Variants in NEDD9 observed in about 807,000 individuals in gnomAD.
NEDD9 encodes neural precursor cell expressed, developmentally down-regulated 9.
In NEDD9, 26 loss-of-function variants were observed where a neutral mutation model predicts 76.6. The observed-to-expected ratio is 0.34, with a 90% CI of 0.25 to 0.47. The LOEUF (loss-of-function observed/expected upper bound fraction) is 0.47, where lower values mean the gene tolerates loss of function less well. Among genes scored for constraint, NEDD9 ranks in the 20% least tolerant of loss-of-function variants. The pLI, the probability that NEDD9 is intolerant of heterozygous loss-of-function variation, is 1.00. For missense variants in NEDD9, 937 were observed against 1,058.5 expected (o/e 0.89, Z 1.59); for synonymous variants, 392 against 414.2 (o/e 0.95, Z 0.65).
At chr6:11,227,266 G>A (rs369433869) in intron 1 of NEDD9, among the ~76,000 whole-genome samples, 10 of 152,286 alleles carry the variant, frequency 6.6e-5, no homozygotes, top group African/African-American at 2.4e-4. Flanking sequence ...CTGTCACCAA[G>A]TCTTGAGTAC....
At chr6:11,352,891 AG>A (rs1762493911) in intron 1 of NEDD9, 1 of 152,272 alleles carries the variant, frequency 6.6e-6, no homozygotes. Context: ...GTATTAAAAA[AG>A]AATAATAGCA....
At chr6:11,291,664 C>G (rs900597879) in intron 3 of NEDD9, among the ~76,000 whole-genome samples, 2 of 152,118 alleles carry the variant, frequency 1.3e-5, no homozygotes, top group African/African-American at 4.8e-5. Flanking sequence ...TCTAAATGAG[C>G]CAGTGAAAAC....
chr6:11,358,163 C>T (rs559243967), intron 1 of NEDD9, among the ~76,000 whole-genome samples: 2 of 144,950 alleles, frequency 1.4e-5, no homozygotes, highest in African/African-American at 5.1e-5. Flanking sequence ...GCAGGGGAAT[C>T]GCTTGAATCC....
At chr6:11,256,009 C>T (rs983653603) in intron 3 of NEDD9, among the ~76,000 whole-genome samples, 2 of 152,190 alleles carry the variant, frequency 1.3e-5, no homozygotes, top group African/African-American at 4.8e-5. Flanking sequence ...AGGCCCCCAT[C>T]AGCATGCCCA....
intron 2 of NEDD9, among the ~76,000 whole-genome samples, chr6:11,327,582 C>T (rs1761953414): frequency 6.6e-6 from 1 of 152,200 alleles, no homozygotes; most frequent in Non-Finnish European, 1.5e-5. Flanking sequence ...GGTTTATATC[C>T]AGTTCTAGTC....
chr6:11,266,832 C>G (rs893847967), intron 3 of NEDD9, among the ~76,000 whole-genome samples: 4 of 152,164 alleles, frequency 2.6e-5, no homozygotes, highest in East Asian at 1.9e-4. Flanking sequence ...TCTGGAAAAC[C>G]AGCCAATGGT....
intron 3 of NEDD9, among the ~76,000 whole-genome samples, chr6:11,260,737 G>T (rs567130935): frequency 3.0e-4 from 45 of 152,272 alleles, no homozygotes; most frequent in African/African-American, 1.1e-3. Flanking sequence ...TATTGAAGAG[G>T]AAGATGATAT....
chr6:11,368,263 T>C (rs1762803209), intron 1 of NEDD9, among the ~76,000 whole-genome samples: 1 of 152,260 alleles, frequency 6.6e-6, no homozygotes, highest in Admixed American at 6.5e-5. Flanking sequence ...ATTTGCTTAA[T>C]TTACAGATAA....
chr6:11,322,537 A>C (rs751593172), intron 2 of NEDD9, among the ~76,000 whole-genome samples: 1 of 152,152 alleles, frequency 6.6e-6, no homozygotes, highest in Non-Finnish European at 1.5e-5. Context: ...TGCAAGGATG[A>C]GAGAGGAAGG....
At chr6:11,296,729 T>G (rs1760904764) in intron 3 of NEDD9, among the ~76,000 whole-genome samples, 1 of 135,322 alleles carries the variant, frequency 7.4e-6, no homozygotes, top group Non-Finnish European at 1.6e-5. Flanking sequence ...TCCTTTCTTT[T>G]CTTTCTTTCT....
chr6:11,325,200 C>T (rs1377218525), intron 2 of NEDD9, among the ~76,000 whole-genome samples: 1 of 151,898 alleles, frequency 6.6e-6, no homozygotes, highest in African/African-American at 2.4e-5. Context: ...ACTAAAAATA[C>T]AAAAATTAGC....
At chr6:11,221,235 T>G (rs1759135078) in intron 1 of NEDD9, among the ~76,000 whole-genome samples, 1 of 151,680 alleles carries the variant, frequency 6.6e-6, no homozygotes, top group African/African-American at 2.4e-5. Flanking sequence ...TACAAAAAAT[T>G]AGCCAGGCAT....
intron 2 of NEDD9, among the ~76,000 whole-genome samples, chr6:11,210,284 C>A (rs1168182299): frequency 6.6e-6 from 1 of 152,188 alleles, no homozygotes; most frequent in African/African-American, 2.4e-5. Context: ...ACTGCCCTAC[C>A]TCTCTGGGTG....
chr6:11,310,157 C>A (rs192682136), intron 2 of NEDD9, among the ~76,000 whole-genome samples: 46 of 152,260 alleles, frequency 3.0e-4, no homozygotes, highest in Admixed American at 1.4e-3. Context: ...AGGAGGGAGA[C>A]CATCTGGGGA....
chr6:11,287,086 A>G (rs1471240509), intron 3 of NEDD9, among the ~76,000 whole-genome samples: 1 of 152,208 alleles, frequency 6.6e-6, no homozygotes, highest in African/African-American at 2.4e-5. Context: ...TATTTTCAGT[A>G]TGTGTAGTTT....
rs1759338185 is a variant in NEDD9, at chr6:11,227,441, A to G, written c.12+5063T>C. Among the ~76,000 whole-genome samples the G allele has an allele frequency of 2.6e-5, 4 of 152,200 alleles. No individual in the cohort carries two copies. The South Asian group carries it at 8.3e-4, about 31-fold the overall frequency. On this transcript the variant is annotated intron_variant, in intron 1 of 6. Transcript: ENST00000379446. ...GCAGTTATTCTTATCCCTATTTTAC[A>G]GACAATGCTGTAAAATGAGGCTTAG...
intron 1 of NEDD9, among the ~76,000 whole-genome samples, chr6:11,347,258 T>C (rs544534578): frequency 9.2e-5 from 14 of 152,276 alleles, no homozygotes; most frequent in Non-Finnish European, 1.6e-4. Context: ...ACTCAATTTC[T>C]TTATTTATAA....
intron 2 of NEDD9, among the ~76,000 whole-genome samples, chr6:11,206,589 A>G (rs1758622938): frequency 6.6e-6 from 1 of 152,232 alleles, no homozygotes; most frequent in South Asian, 2.1e-4. Flanking sequence ...GCATGAAATC[A>G]TTGAAAAAGG....
chr6:11,297,466 A>G (rs1582006132), intron 3 of NEDD9, among the ~76,000 whole-genome samples: 1 of 152,270 alleles, frequency 6.6e-6, no homozygotes, highest in Non-Finnish European at 1.5e-5. Flanking sequence ...TTTTCTGTCC[A>G]TGCCTTCACT....
Sources: allele counts gnomAD v4.1 joint callset (sites outside exome capture counted in the v4.1 genomes callset), GRCh38; gene constraint gnomAD v4.1.1; transcripts MANE v1.5; gene names NCBI Gene and HGNC (gene_info 2026-07-23, HGNC 2026-07-21).